The following TMCO4 variants were observed in gnomAD, a reference collection of about 807,000 sequenced individuals.
TMCO4 encodes the protein transmembrane and coiled-coil domains 4.
TMCO4 carries 58 observed loss-of-function variants against 64.7 expected under a neutral mutation model. That is an observed-to-expected ratio of 0.90 (90% CI 0.73 to 1.12). The LOEUF (loss-of-function observed/expected upper bound fraction) is 1.12. TMCO4 is among the 50% of genes most tolerant of loss of function. TMCO4 has a pLI of 0.00. For synonymous variants in TMCO4, 325 were observed against 346.1 expected, an observed-to-expected ratio of 0.94 and a Z score of 0.68; for missense variants, 780 against 825.9, an observed-to-expected ratio of 0.94 and a Z score of 0.68.
At chr1:19,777,956 T>C (rs1487179495) in intron 4 of TMCO4, among the ~76,000 whole-genome samples, 2 of 152,168 alleles carry the variant, frequency 1.3e-5, no homozygotes, top group Non-Finnish European at 2.9e-5. Context: ...GGAAGACCAC[T>C]TGGGCCCAGG....
intron 6 of TMCO4, among the ~76,000 whole-genome samples, chr1:19,758,765 G>A (rs542172290): frequency 1.4e-4 from 22 of 152,216 alleles, no homozygotes; most frequent in Admixed American, 4.6e-4. Flanking sequence ...AACTTGCCAG[G>A]GGCCAACTTG....
intron 2 of TMCO4, chr1:19,797,929 A>AGGGAGGGG (rs2044399970): frequency 7.0e-6 from 1 of 142,144 alleles, no homozygotes. Flanking sequence ...GGAGGGAGGG[A>AGGGAGGGG]GAGAGAGAGA....
intron 13 of TMCO4, among the ~76,000 whole-genome samples, chr1:19,724,212 T>C (rs984250516): frequency 1.3e-5 from 2 of 152,202 alleles, no homozygotes; most frequent in African/African-American, 4.8e-5. Flanking sequence ...GTGAGTACCA[T>C]AGCCTTGGAA....
At chr1:19,729,284 G>A (rs1257431606) in intron 13 of TMCO4, among the ~76,000 whole-genome samples, 1 of 151,816 alleles carries the variant, frequency 6.6e-6, no homozygotes, top group African/African-American at 2.4e-5. Context: ...CAAGTAGCGG[G>A]GAATACAGGC....
chr1:19,745,100 G>A (rs1490314679), intron 10 of TMCO4, among the ~76,000 whole-genome samples: 4 of 150,616 alleles, frequency 2.7e-5, no homozygotes, highest in Non-Finnish European at 4.4e-5. Flanking sequence ...GAATGGATGG[G>A]TGGGTGCATG....
At chr1:19,700,565 T>C (rs1234378962) in intron 14 of TMCO4, among the ~76,000 whole-genome samples, 2 of 152,268 alleles carry the variant, frequency 1.3e-5, no homozygotes, top group African/African-American at 4.8e-5. Flanking sequence ...CACCCTTCTG[T>C]CCATCATGCT....
chr1:19,788,779 T>C lies in TMCO4; in HGVS notation c.-100-1662A>G, dbSNP rs867009823. Among the ~76,000 whole-genome samples the C allele has an allele frequency of 1.8e-4, 27 of 152,302 alleles. No homozygotes were observed. The South Asian group carries it at 1.9e-3, about 11-fold the overall frequency. Reference sequence around the variant, plus strand: ...TATACAATATGACTCTAGTTATGTTTTTAAAACATGTTTCGGCTGGGTGTG... The same window carrying C: ...TATACAATATGACTCTAGTTATGTTCTTAAAACATGTTTCGGCTGGGTGTG... On this transcript the variant is annotated intron_variant, in intron 2 of 15. Transcript: ENST00000294543.
In TMCO4 at chr1:19,733,266, C is replaced by CA. The variant is rs1039380561; in HGVS notation, c.1264+4105dup. The stretch of plus-strand genomic sequence containing the variant: ...TGGGTGACAGAGCGAAACTCCGTCT[C>CA]AAAAAAAAAAATTTTTTTTCTTAAT... On this transcript the variant is annotated intron_variant, in intron 13 of 15. Coordinates refer to ENST00000294543, the MANE Select transcript of TMCO4 (RefSeq NM_181719.7). Among the ~76,000 whole-genome samples, 1,174 of 148,456 alleles carry CA rather than the reference C, an allele frequency of 7.9e-3. 16 individuals carry two copies. Among genetic ancestry groups the CA allele is most frequent in the African/African-American group, 0.027 (1,077 of 40,466 alleles).
At chr1:19,775,745 T>C (rs931659937) in intron 4 of TMCO4, among the ~76,000 whole-genome samples, 1 of 152,158 alleles carries the variant, frequency 6.6e-6, no homozygotes, top group Non-Finnish European at 1.5e-5. Flanking sequence ...ATGGAATTAA[T>C]TAAAGGGAAC....
chr1:19,784,757 A>C (rs115005016), intron 3 of TMCO4, among the ~76,000 whole-genome samples: 3 of 124,922 alleles, frequency 2.4e-5, no homozygotes, highest in Non-Finnish European at 4.9e-5. Context: ...GGGGTGTCCA[A>C]TCTTTTGGCT....
intron 15 of TMCO4, among the ~76,000 whole-genome samples, chr1:19,685,914 A>T (rs1356649393): frequency 2.0e-5 from 3 of 151,676 alleles, no homozygotes; most frequent in Non-Finnish European, 4.4e-5. Context: ...TTTTTAGTAG[A>T]GACAGGGTTT....
At chr1:19,721,131 G>C (rs2095380830) in intron 13 of TMCO4, among the ~76,000 whole-genome samples, 1 of 152,108 alleles carries the variant, frequency 6.6e-6, no homozygotes, top group Non-Finnish European at 1.5e-5. Context: ...TGAGACTCAC[G>C]CATGGGACCT....
In TMCO4 at chr1:19,766,365, T is replaced by A. The variant is rs138156321; in HGVS notation, c.382+4177A>T. Among the ~76,000 whole-genome samples the A allele has an allele frequency of 1.4e-4, 21 of 152,302 alleles. 1 individual carries two copies. The East Asian group carries it at 4.1e-3, about 29-fold the overall frequency. On this transcript the variant is annotated intron_variant, in intron 6 of 15. Transcript: ENST00000294543. ...AAGGATCTTGACATGCTTTACAAGATCATGTTCTTAGAACCCAAGACAGTT... is the reference window on the plus strand; with the variant it reads ...AAGGATCTTGACATGCTTTACAAGAACATGTTCTTAGAACCCAAGACAGTT...
At chr1:19,740,223 A>G (rs961041195) in intron 11 of TMCO4, among the ~76,000 whole-genome samples, 1 of 152,158 alleles carries the variant, frequency 6.6e-6, no homozygotes, top group African/African-American at 2.4e-5. Context: ...ACTTTGCTTC[A>G]TAACTCTGCA....
chr1:19,773,143 C>G (rs916589289), intron 4 of TMCO4, among the ~76,000 whole-genome samples: 2 of 152,092 alleles, frequency 1.3e-5, no homozygotes, highest in African/African-American at 2.4e-5. Context: ...GAACTGACAT[C>G]GCACCACTGC....
rs576916785 is a variant in TMCO4 at position 19,682,749 on chromosome 1, C to T, written c.*291G>A. The T allele has an allele frequency of 3.6e-5, 26 of 718,604 alleles. No individual in the cohort carries two copies. Among genetic ancestry groups the T allele is most frequent in the East Asian group, 2.1e-4 (8 of 37,440 alleles). 44.5% of individuals were successfully genotyped at this position (718,604 alleles called of 1,614,324 possible). On this transcript the variant is annotated 3_prime_UTR_variant, in exon 16 of 16. Transcript: ENST00000294543. Reference sequence around the variant, plus strand: ...GTACAGAAAGCCCACAGTTGGTTTCCGGTCCTGGGACTCTAACCTGTGCTT... The same window carrying T: ...GTACAGAAAGCCCACAGTTGGTTTCTGGTCCTGGGACTCTAACCTGTGCTT...
chr1:19,745,882 G>T (rs1006499487), intron 9 of TMCO4, among the ~76,000 whole-genome samples: 1 of 152,220 alleles, frequency 6.6e-6, no homozygotes, highest in East Asian at 1.9e-4. Flanking sequence ...CGGTAGAGCT[G>T]GTTTGGACCT....
Position 19,780,509 on chromosome 1 carries a change from G to A in TMCO4, c.179+71C>T. ...CTGCATTGCCTCATCGTGCCTGGCAGGCTGTTTGGCTGTCCGTAGTTGTTC... is the reference window on the plus strand; with the variant it reads ...CTGCATTGCCTCATCGTGCCTGGCAAGCTGTTTGGCTGTCCGTAGTTGTTC... On this transcript the variant is annotated intron_variant, in intron 4 of 15. Coordinates refer to ENST00000294543, the MANE Select transcript of TMCO4 (RefSeq NM_181719.7). 3.3e-6 allele frequency: 5 copies of A among 1,505,630 alleles called. No homozygotes were observed. In the South Asian group the frequency reaches 6.7e-5, roughly 20 times the overall value. The allele number at this position is 1,505,630 out of a possible 1,614,324, so 93.3% of individuals were successfully genotyped here.
At chr1:19,745,699 G>A in intron 9 of TMCO4, 48 bp from the exon 10 acceptor site, 1 of 1,560,468 alleles carries the variant, frequency 6.4e-7, no homozygotes, top group East Asian at 2.3e-5. Context: ...TGGGGCCCCG[G>A]GGAACATCAG....
Sources: gnomAD v4.1 joint callset for allele counts (sites outside exome capture counted in the v4.1 genomes callset) on GRCh38, gnomAD v4.1.1 for gene constraint, MANE v1.5 for transcripts, NCBI Gene and HGNC (gene_info 2026-07-23, HGNC 2026-07-21) for gene names.